Variants in ARHGAP29 observed in about 807,000 individuals in gnomAD.
ARHGAP29 encodes Rho GTPase activating protein 29.
ARHGAP29 carries 43 observed loss-of-function variants against 122.6 expected under a neutral mutation model. That is an observed-to-expected ratio of 0.35 (90% CI 0.27 to 0.45). ARHGAP29 has a LOEUF of 0.45. Ranked by LOEUF, ARHGAP29 falls within the 20% of genes least tolerant of loss-of-function variation. The pLI is 1.00. For synonymous variants in ARHGAP29, 506 were observed against 497.1 expected, an observed-to-expected ratio of 1.02 and a Z score of -0.24; for missense variants, 1,303 against 1,477.2, an observed-to-expected ratio of 0.88 and a Z score of 1.93.
At chr1:94,203,626 C>G (rs1032043427) in intron 8 of ARHGAP29, among the ~76,000 whole-genome samples, 30 of 152,196 alleles carry the variant, frequency 2.0e-4, no homozygotes, top group African/African-American at 7.2e-4. Context: ...CCCAGGTCAT[C>G]AGGAGGCTGC....
At chr1:94,295,366 A>C in the ARHGAP29 span, among the ~76,000 whole-genome samples, 1 of 152,324 alleles carries the variant, frequency 6.6e-6, no homozygotes, top group African/African-American at 2.4e-5. Context: ...AAGGAAATAA[A>C]AACTAGAGGA....
chr1:94,306,143 C>T, the ARHGAP29 span, among the ~76,000 whole-genome samples: 4 of 152,328 alleles, frequency 2.6e-5, no homozygotes, highest in South Asian at 2.1e-4. Context: ...CTGCAGTAGT[C>T]GGGCCCTGGG....
At chr1:94,277,720 C>G (rs1379872440), upstream of ARHGAP29, among the ~76,000 whole-genome samples, 1 of 152,108 alleles carries the variant, frequency 6.6e-6, no homozygotes, top group East Asian at 1.9e-4. Context: ...CAATTCCCTC[C>G]TCCTTCTCCA....
chr1:94,205,681 C>T lies in ARHGAP29; in HGVS notation c.513G>A (p.Ser171=), dbSNP rs141303887. The T allele has an allele frequency of 9.0e-5, 145 of 1,611,532 alleles. No individual in the cohort carries two copies. Among genetic ancestry groups the T allele is most frequent in the African/African-American group, 2.1e-4 (16 of 74,814 alleles). The change falls in exon 6 of 23, where the codon TCG becomes TCA. Residue 171 remains serine, a splice_region_variant and synonymous_variant. Transcript: ENST00000260526. ...LRLPVSRETK[S]FENVSVESVD... is the part of the protein sequence containing the mutation. ...CTGATTCCACAGAAACATTTTCAAA[C>T]GACTTACAACATGGAAAAAGATAAA...
intron 1 of ARHGAP29, among the ~76,000 whole-genome samples, chr1:94,254,489 G>A (rs1348064819): frequency 6.6e-6 from 1 of 152,196 alleles, no homozygotes; most frequent in African/African-American, 2.4e-5. Context: ...TTGGCTGCAA[G>A]GTGAGAAATG....
chr1:94,295,054 T>G, the ARHGAP29 span, among the ~76,000 whole-genome samples: 1 of 152,148 alleles, frequency 6.6e-6, no homozygotes, highest in African/African-American at 2.4e-5. Context: ...TGTAGACCCC[T>G]CCTTTCGGTT....
chr1:94,213,725 T>C (rs779177686), intron 3 of ARHGAP29, among the ~76,000 whole-genome samples: 15 of 152,222 alleles, frequency 9.9e-5, no homozygotes, highest in Admixed American at 5.2e-4. Flanking sequence ...TCTCTTACAA[T>C]GTTACATAAC....
chr1:94,207,839 T>G (rs980788472), intron 5 of ARHGAP29, among the ~76,000 whole-genome samples: 4 of 152,120 alleles, frequency 2.6e-5, no homozygotes, highest in Non-Finnish European at 5.9e-5. Context: ...TTGATTTTTT[T>G]TTTTGTTTTT....
chr1:94,239,688 T>A (rs1012425079), upstream of ARHGAP29, among the ~76,000 whole-genome samples: 1 of 3,826 alleles, frequency 2.6e-4, no homozygotes, highest in Non-Finnish European at 1.2e-3. Flanking sequence ...TGATAGAGAC[T>A]ACCCACCGAT....
rs760955075 is a variant in ARHGAP29, at chr1:94,189,981, C to G, written c.1384G>C (p.Glu462Gln). ...DSAKLYDPGQ[E>Q]YSEFVKATNS... ...GTGGCCTTGACAAATTCACTGTACT[C>G]TTGGCCTGGGTCATAGAGTTTGGCA... Residue 462 changes from glutamate (E) to glutamine (Q), a missense_variant, in exon 13 of 23, where the codon GAG becomes CAG. Physicochemically the swap from Glu to Gln is conservative, Grantham distance 29. Transcript: ENST00000260526. The G allele has an allele frequency of 6.2e-7, 1 of 1,613,520 alleles. No individual in the cohort carries two copies. The highest frequency in any genetic ancestry group is 1.1e-5 in the South Asian group (1 of 91,048).
At position 94,169,237 on chromosome 1, in the gene ARHGAP29, G is replaced by A. The variant is rs533707860; in HGVS notation, c.*4632C>T. Among the ~76,000 whole-genome samples, 11 of 152,288 alleles carry A rather than the reference G, an allele frequency of 7.2e-5. No individual in the cohort carries two copies. The highest frequency in any genetic ancestry group is 2.6e-4 in the African/African-American group (11 of 41,554). ...TGTCTCTCTTCCAGCCAGATGACAG[G>A]AGCCTAGGATTCCAATGGTGTGCTC... On this transcript the variant is annotated 3_prime_UTR_variant, in exon 23 of 23. Coordinates refer to ENST00000260526, the MANE Select transcript of ARHGAP29 (RefSeq NM_004815.4).
the ARHGAP29 span, among the ~76,000 whole-genome samples, chr1:94,304,457 G>A: frequency 1.3e-5 from 2 of 152,190 alleles, no homozygotes; most frequent in Admixed American, 6.5e-5. Context: ...ATCTTTTGAT[G>A]CTCAACTCAA....
chr1:94,256,536 C>CTTTTTTTTTTTTTTTTTTTTTTTTTTTTT (rs530295333), intron 1 of ARHGAP29, among the ~76,000 whole-genome samples: 1 of 45,330 alleles, frequency 2.2e-5, no homozygotes, highest in African/African-American at 9.4e-5. Context: ...CAGTACTAAT[C>CTTTTTTTTTTTTTTTTTTTTTTTTTTTTT]TTTTTTTTTT....
At chr1:94,277,105 C>T (rs1655220097), upstream of ARHGAP29, among the ~76,000 whole-genome samples, 1 of 152,140 alleles carries the variant, frequency 6.6e-6, no homozygotes, top group Admixed American at 6.6e-5. Context: ...CAGGAACTTT[C>T]CCAAATAGTA....
rs1486374380 is a variant in ARHGAP29 at position 94,177,734 on chromosome 1, A to G, written c.2797-14T>C. Reference sequence around the variant, plus strand: ...AGTATGGATATCCTGTTGATGCAAGATAATTTTTAAAATGGAAGAAGTAAA... The same window carrying G: ...AGTATGGATATCCTGTTGATGCAAGGTAATTTTTAAAATGGAAGAAGTAAA... On this transcript the variant is annotated splice_polypyrimidine_tract_variant and intron_variant, in intron 21 of 22. Transcript: ENST00000260526. 5.6e-6 allele frequency: 9 copies of G among 1,597,542 alleles called. No homozygotes were observed. In the East Asian group the frequency reaches 1.8e-4, roughly 32 times the overall value.
chr1:94,300,956 A>T, the ARHGAP29 span, among the ~76,000 whole-genome samples: 1 of 152,222 alleles, frequency 6.6e-6, no homozygotes, highest in Admixed American at 6.5e-5. Flanking sequence ...TGGACACACT[A>T]ACGAGTTTGA....
At chr1:94,259,056 T>A (rs1654465068) in intron 1 of ARHGAP29, among the ~76,000 whole-genome samples, 1 of 152,222 alleles carries the variant, frequency 6.6e-6, no homozygotes, top group Non-Finnish European at 1.5e-5. Flanking sequence ...CTTGCTTTCA[T>A]TCAGGTATGT....
chr1:94,241,875 C>A (rs1039205089), upstream of ARHGAP29, among the ~76,000 whole-genome samples: 2 of 151,654 alleles, frequency 1.3e-5, no homozygotes, highest in Admixed American at 6.6e-5. Context: ...TCAGGGCTGT[C>A]ATCTCTGAGA....
intron 2 of ARHGAP29, among the ~76,000 whole-genome samples, chr1:94,223,816 T>C (rs1652463109): frequency 6.6e-6 from 1 of 152,004 alleles, no homozygotes; most frequent in South Asian, 2.1e-4. Context: ...CCCTTTTTTT[T>C]TTTCTTTTTG....
Sources: allele counts gnomAD v4.1 joint callset (sites outside exome capture counted in the v4.1 genomes callset), GRCh38; gene constraint gnomAD v4.1.1; transcripts MANE v1.5; gene names NCBI Gene and HGNC (gene_info 2026-07-23, HGNC 2026-07-21).